MCUB: variants seen among roughly 807,000 people sequenced by gnomAD.
The protein encoded by MCUB is calcium uniporter regulatory subunit MCUb, mitochondrial.
In MCUB, 46 loss-of-function variants were observed where a neutral mutation model predicts 41.4. The ratio of observed to expected loss-of-function variants is 1.11; its 90% confidence interval spans 0.88 to 1.42. The LOEUF (loss-of-function observed/expected upper bound fraction) is 1.42. Among genes scored for constraint, MCUB ranks in the 40% most tolerant of loss-of-function variants. The pLI is 0.00. For synonymous variants in MCUB, 148 were observed against 148.2 expected (o/e 1.00, Z 0.01); for missense variants, 403 against 404.9 (o/e 1.00, Z 0.04).
At chr4:109,562,111 C>T (rs1317301811) in intron 1 of MCUB, among the ~76,000 whole-genome samples, 1 of 152,114 alleles carries the variant, frequency 6.6e-6, no homozygotes, top group Non-Finnish European at 1.5e-5. Flanking sequence ...GATCCCGGGA[C>T]TGGCTGCCCT....
intron 1 of MCUB, among the ~76,000 whole-genome samples, chr4:109,588,758 G>A (rs1727368817): frequency 6.6e-6 from 1 of 152,104 alleles, no homozygotes; most frequent in African/African-American, 2.4e-5. Context: ...TGTGTATCAA[G>A]AAGACAAGGG....
rs573820909 is a variant in MCUB at position 109,579,868 on chromosome 4, A to T, written c.99+19432A>T. On this transcript the variant is annotated intron_variant, in intron 1 of 7. Transcript: ENST00000394650. ...GAAATAATGAACCAAATCCCCAAAA[A>T]TGAACATAAAACTTTTTATTATTTT... is the stretch of plus-strand genomic sequence containing the variant. Among the ~76,000 whole-genome samples the T allele has an allele frequency of 1.1e-4, 17 of 152,290 alleles. No individual in the cohort carries two copies. The South Asian group carries it at 3.5e-3, about 32-fold the overall frequency.
At chr4:109,562,259 A>G (rs189256427) in intron 1 of MCUB, among the ~76,000 whole-genome samples, 88 of 152,318 alleles carry the variant, frequency 5.8e-4, no homozygotes, top group African/African-American at 2.1e-3. Context: ...ATTAGGCCTA[A>G]TAACAGGGAA....
chr4:109,681,344 A>G (rs1729712613), intron 4 of MCUB: 1 of 341,414 alleles, frequency 2.9e-6, no homozygotes, highest in Non-Finnish European at 6.0e-6. Flanking sequence ...AAAAGCTACT[A>G]AAGTTTGTCT....
intron 4 of MCUB, among the ~76,000 whole-genome samples, chr4:109,675,695 G>A (rs141879103): frequency 3.9e-5 from 6 of 152,322 alleles, no homozygotes; most frequent in African/African-American, 1.4e-4. Context: ...CGTATTGGGA[G>A]GTGTTTGGCT....
chr4:109,648,723 G>GAA, intron 1 of MCUB: 4 of 155,894 alleles, frequency 2.6e-5, no homozygotes, highest in East Asian at 1.8e-4. Flanking sequence ...GTACAGAGAA[G>GAA]CAAAAAAAAA....
chr4:109,589,668 A>T (rs1727385254), intron 1 of MCUB, among the ~76,000 whole-genome samples: 1 of 152,158 alleles, frequency 6.6e-6, no homozygotes, highest in East Asian at 1.9e-4. Flanking sequence ...TACTGAAATC[A>T]GCATATTTCT....
chr4:109,660,087 T>A (rs1176895728), intron 2 of MCUB, 108 bp from the exon 3 acceptor site: 1 of 635,388 alleles, frequency 1.6e-6, no homozygotes, highest in African/African-American at 1.8e-5. Context: ...TTATAAGACT[T>A]CAGAGGTTTG....
intron 1 of MCUB, among the ~76,000 whole-genome samples, chr4:109,602,729 T>C (rs1727771273): frequency 6.6e-6 from 1 of 152,242 alleles, no homozygotes; most frequent in African/African-American, 2.4e-5. Flanking sequence ...ATTTGTTTTT[T>C]CTATTTCTGT....
At chr4:109,567,828 A>T (rs1726817606) in intron 1 of MCUB, among the ~76,000 whole-genome samples, 1 of 151,932 alleles carries the variant, frequency 6.6e-6, no homozygotes, top group South Asian at 2.1e-4. Context: ...CCTCCCAAGT[A>T]GCTGGGACTA....
chr4:109,601,136 G>A (rs1391294127), intron 1 of MCUB, among the ~76,000 whole-genome samples: 1 of 152,078 alleles, frequency 6.6e-6, no homozygotes, highest in Non-Finnish European at 1.5e-5. Flanking sequence ...CAATTTTTGT[G>A]GGTAAATAGT....
chr4:109,668,186 C>T (rs867068672), intron 4 of MCUB, among the ~76,000 whole-genome samples: 1 of 151,988 alleles, frequency 6.6e-6, no homozygotes, highest in Admixed American at 6.6e-5. Flanking sequence ...CTGTATACCC[C>T]GTGATTTTCT....
intron 1 of MCUB, among the ~76,000 whole-genome samples, chr4:109,635,802 C>CCTGGTGTTTCTCCACT (rs1728576657): frequency 6.6e-6 from 1 of 152,076 alleles, no homozygotes; most frequent in African/African-American, 2.4e-5. Flanking sequence ...ACAAAAAAGC[C>CCTGGTGTTTCTCCACT]CTGGTGTTTC....
At chr4:109,659,133 T>C in intron 2 of MCUB, 47 bp downstream of exon 2, 1 of 1,087,652 alleles carries the variant, frequency 9.2e-7, no homozygotes, top group Non-Finnish European at 1.4e-6. Flanking sequence ...ATTGTTTCCC[T>C]TTCTTCCAAA....
intron 1 of MCUB, among the ~76,000 whole-genome samples, chr4:109,575,347 T>TGA (rs1298378878): frequency 6.6e-6 from 1 of 152,254 alleles, no homozygotes; most frequent in Non-Finnish European, 1.5e-5. Context: ...TATGATATTA[T>TGA]TAATCTTTCT....
At chr4:109,603,356 C>G (rs774211086) in intron 1 of MCUB, among the ~76,000 whole-genome samples, 1 of 152,226 alleles carries the variant, frequency 6.6e-6, no homozygotes, top group South Asian at 2.1e-4. Context: ...CTCGGCCTCC[C>G]GAGGTGCCCG....
At chr4:109,600,159 C>A (rs1043672057) in intron 1 of MCUB, among the ~76,000 whole-genome samples, 2 of 152,194 alleles carry the variant, frequency 1.3e-5, no homozygotes, top group Non-Finnish European at 2.9e-5. Flanking sequence ...GATTAAATGG[C>A]AATGGCACTT....
intron 1 of MCUB, among the ~76,000 whole-genome samples, chr4:109,613,375 T>C (rs1728059986): frequency 6.6e-6 from 1 of 152,194 alleles, no homozygotes. Context: ...GCTGAAATCA[T>C]GTTGTTGGCT....
intron 4 of MCUB, chr4:109,681,479 C>T (rs1270756553): frequency 2.4e-5 from 11 of 453,050 alleles, no homozygotes; most frequent in Admixed American, 1.4e-4. Context: ...CCAAGATGGT[C>T]GTGGGCCACT....
Sources: gnomAD v4.1 joint callset for allele counts (sites outside exome capture counted in the v4.1 genomes callset) on GRCh38, gnomAD v4.1.1 for gene constraint, MANE v1.5 for transcripts, NCBI Gene and HGNC (gene_info 2026-07-23, HGNC 2026-07-21) for gene names.